HUWE1: variants seen among roughly 807,000 people sequenced by gnomAD.
HUWE1 encodes E3 ubiquitin-protein ligase HUWE1.
A neutral mutation model predicts 299.4 loss-of-function variants in HUWE1; 18 were observed. The ratio of observed to expected loss-of-function variants is 0.06; its 90% CI spans 0.04 to 0.09. HUWE1 has a LOEUF of 0.09. HUWE1 is among the 10% of genes least tolerant of loss of function. The pLI, the probability that HUWE1 is intolerant of heterozygous loss-of-function variation, is 1.00. For missense variants in HUWE1, 1,832 were observed against 3,462.3 expected, an observed-to-expected ratio of 0.53 and a Z score of 11.82; for synonymous variants, 1,317 against 1,286.1, an observed-to-expected ratio of 1.02 and a Z score of -0.51.
rs377064040 is a variant in HUWE1, at chrX:53,533,289, C to T, written c.*20G>A. On this transcript the variant is annotated 3_prime_UTR_variant, in exon 84 of 84. Coordinates refer to ENST00000262854, the MANE Select transcript of HUWE1 (RefSeq NM_031407.7). Reference sequence around the variant, plus strand: ...TCCAACAATGGTAAAAAAAACCCCACGGAGTTGGGCAGGGCCTTATTAGGC... The same window carrying T: ...TCCAACAATGGTAAAAAAAACCCCATGGAGTTGGGCAGGGCCTTATTAGGC... 63 of 1,079,674 alleles carry T rather than the reference C, an allele frequency of 5.8e-5. No individual in the cohort carries two copies. The highest frequency in any genetic ancestry group is 2.8e-4 in the African/African-American group (15 of 54,459). The allele number at this position is 1,079,674 out of a possible 1,213,427, so 89.0% of individuals were successfully genotyped here. A position where few individuals can be genotyped will look rare whatever the true frequency, so the allele number is the denominator to read the frequency against.
chrX:53,616,884 G>A, intron 21 of HUWE1, 86 bp downstream of exon 21: 1 of 820,383 alleles, frequency 1.2e-6, no homozygotes, highest in Admixed American at 2.6e-5. Context: ...CACCTAACCA[G>A]TAAAACGATG....
intron 60 of HUWE1, among the ~76,000 whole-genome samples, chrX:53,556,537 A>G (rs2062027564): frequency 8.9e-6 from 1 of 111,992 alleles, no homozygotes; most frequent in Non-Finnish European, 1.9e-5. Context: ...TGTTCTGAGG[A>G]AATATGGGTG....
intron 48 of HUWE1, among the ~76,000 whole-genome samples, chrX:53,569,236 C>A (rs150902521): frequency 9.8e-5 from 11 of 112,387 alleles, no homozygotes; most frequent in Admixed American, 2.8e-4. Context: ...CAAGGCTGGT[C>A]TTCAACTCCT....
At chrX:53,550,454 G>C (rs1556927631) in intron 66 of HUWE1, among the ~76,000 whole-genome samples, 1 of 111,968 alleles carries the variant, frequency 8.9e-6, no homozygotes, top group African/African-American at 3.3e-5. Context: ...CTGCTTTTGC[G>C]ATTGTGGTCT....
At chrX:53,662,736 G>A (rs933127529) in intron 3 of HUWE1, among the ~76,000 whole-genome samples, 56 of 111,943 alleles carry the variant, frequency 5.0e-4, no homozygotes, top group African/African-American at 1.8e-3. Flanking sequence ...CATGGGTCTG[G>A]AGATGACTGC....
At chrX:53,578,579 A>AG (rs782515382) in intron 43 of HUWE1, among the ~76,000 whole-genome samples, 9 of 20,640 alleles carry the variant, frequency 4.4e-4, no homozygotes, top group South Asian at 2.9e-3. Flanking sequence ...GGGAGGGGGG[A>AG]GGGGGGGTCA....
At chrX:53,685,159 G>A (rs1450691758) in intron 2 of HUWE1, among the ~76,000 whole-genome samples, 1 of 112,189 alleles carries the variant, frequency 8.9e-6, no homozygotes, top group Non-Finnish European at 1.9e-5. Context: ...CATTTTAATA[G>A]CCAGTAGTAC....
At chrX:53,677,121 G>T (rs1208427689) in intron 3 of HUWE1, among the ~76,000 whole-genome samples, 1 of 79,374 alleles carries the variant, frequency 1.3e-5, no homozygotes, top group African/African-American at 5.3e-5. Context: ...CAAAGGGAAC[G>T]AACCTGAAAT....
In HUWE1 at chrX:53,554,747, C is replaced by G. The variant is rs782724515; in HGVS notation, c.8380G>C (p.Gly2794Arg). Residue 2794 changes from glycine (G) to arginine (R), a missense_variant, in exon 61 of 84, where the codon GGG (glycine) becomes CGG (arginine). Gly to Arg is a moderately radical substitution (Grantham distance 125, BLOSUM62 -2). Around this residue, in one of 15 missense-constraint regions of HUWE1, gnomAD observed 143 missense variants for 148.1 expected, o/e 0.97. Coordinates refer to ENST00000262854, the MANE Select transcript of HUWE1 (RefSeq NM_031407.7). ...ATCAATAGCTGTGTAGAGCTGCCCC[C>G]TTCTCCAGCTGGAGACTGCAGCTCC... ...PQELQSPAGE[G>R]GSSTQLLMPV... 2.5e-6 allele frequency: 3 copies of G among 1,210,233 alleles called. No individual in the cohort carries two copies. In the Admixed American group the frequency reaches 6.5e-5, roughly 26 times the overall value.
At chrX:53,625,130 CAA>C (rs1159163890) in intron 18 of HUWE1, 25 bp downstream of exon 18, 12 of 989,197 alleles carry the variant, frequency 1.2e-5, no homozygotes, top group Non-Finnish European at 1.6e-5. Flanking sequence ...AAATATCCTC[CAA>C]AAAAAGTTAT....
intron 22 of HUWE1, among the ~76,000 whole-genome samples, chrX:53,614,962 C>T (rs1009656354): frequency 1.8e-5 from 2 of 108,925 alleles, no homozygotes; most frequent in African/African-American, 6.7e-5. Context: ...GAGCGTCACA[C>T]GGCTGTATAA....
rs782257234 is a variant in HUWE1 at position 53,584,987 on chromosome X, A to G, written c.5001+25T>C. On this transcript the variant is annotated intron_variant, in intron 40 of 83. Coordinates refer to ENST00000262854, the MANE Select transcript of HUWE1 (RefSeq NM_031407.7). ...ATGTGGCCTGTGGTCCACGGGTTAG[A>G]CAAGCTTGGTGAGTGAGCATGTACC... 3 of 1,210,452 alleles carry G rather than the reference A, an allele frequency of 2.5e-6. No individual in the cohort carries two copies. In the South Asian group the frequency reaches 5.3e-5, roughly 21 times the overall value.
At chrX:53,683,863 C>T (rs2070328504) in intron 2 of HUWE1, 2 of 140,489 alleles carry the variant, frequency 1.4e-5, no homozygotes, top group Non-Finnish European at 2.8e-5. Flanking sequence ...CACCCCCCAC[C>T]CGCGAGCTAC....
In HUWE1 at chrX:53,565,883, C is replaced by T. The variant is rs935943366; in HGVS notation, c.6708-644G>A. The stretch of plus-strand genomic sequence containing the variant: ...GTGAGCTCAGGCAACCTGCCCTCCT[C>T]GCCCGGCTGATAACAGTTTGAAGTC... On this transcript the variant is annotated intron_variant, in intron 49 of 83. Coordinates refer to ENST00000262854, the MANE Select transcript of HUWE1 (RefSeq NM_031407.7). 9.2e-5 allele frequency among the ~76,000 whole-genome samples: 10 copies of T among 108,757 alleles called. No homozygotes were observed. In the South Asian group the frequency reaches 2.0e-3, roughly 22 times the overall value. 94.4% of individuals were successfully genotyped at this position (108,757 alleles called of 115,157 possible).
chrX:53,667,740 G>C (rs868978072), intron 3 of HUWE1, among the ~76,000 whole-genome samples: 139 of 111,787 alleles, frequency 1.2e-3, no homozygotes, highest in African/African-American at 4.2e-3. Flanking sequence ...AACAAGTGTA[G>C]AGGAATCTTT....
chrX:53,555,636 CTTTTTTTTTTT>C (rs1175050260), intron 60 of HUWE1, among the ~76,000 whole-genome samples: 1 of 75,267 alleles, frequency 1.3e-5, no homozygotes, highest in Non-Finnish European at 2.5e-5. Context: ...CCTTCAAAAT[CTTTTTTTTTTT>C]TTTTTTTTTC....
At chrX:53,645,736 A>AT (rs1299708334) in intron 6 of HUWE1, among the ~76,000 whole-genome samples, 3 of 26,127 alleles carry the variant, frequency 1.1e-4, no homozygotes, top group African/African-American at 4.5e-4. Context: ...AAAAAAAAAA[A>AT]ATATATATAT....
chrX:53,577,457 TA>T lies in HUWE1; in HGVS notation c.5717-391del, dbSNP rs782304486. Among the ~76,000 whole-genome samples the T allele has an allele frequency of 3.8e-3, 290 of 76,861 alleles. 2 individuals are homozygous for T. The highest frequency in any genetic ancestry group is 5.6e-3 in the African/African-American group (109 of 19,457). 66.7% of individuals were successfully genotyped at this position (76,861 alleles called of 115,157 possible). A position where few individuals can be genotyped will look rare whatever the true frequency, so the allele number is the denominator to read the frequency against. On this transcript the variant is annotated intron_variant, in intron 43 of 83. Transcript: ENST00000262854. ...TTTCATCCCCTTCCCAACGTTTTATTAAAAAAAAAAAAAAAAAAACTCCCTC... is the reference window on the plus strand; with the variant it reads ...TTTCATCCCCTTCCCAACGTTTTATTAAAAAAAAAAAAAAAAAACTCCCTC...
At chrX:53,544,797 A>G in intron 71 of HUWE1, 35 bp from the exon 72 acceptor site, 1 of 1,091,234 alleles carries the variant, frequency 9.2e-7, no homozygotes, top group South Asian at 1.8e-5. Context: ...GTATATTGAC[A>G]GCATCAAAGT....
Sources: allele counts gnomAD v4.1 joint callset (sites outside exome capture counted in the v4.1 genomes callset), GRCh38; gene constraint gnomAD v4.1.1; regional missense constraint gnomAD v4.1.1; transcripts MANE v1.5; gene names NCBI Gene and HGNC (gene_info 2026-07-23, HGNC 2026-07-21).